The following ITGB3BP variants were observed in gnomAD, a reference collection of about 807,000 sequenced individuals.
ITGB3BP encodes the protein centromere protein R.
Under a neutral mutation model 29.1 loss-of-function variants are expected in ITGB3BP, and 27 were observed. The ratio of observed to expected loss-of-function variants is 0.93; its 90% CI spans 0.68 to 1.28. The LOEUF is 1.28. Ranked by LOEUF, ITGB3BP falls within the 50% of genes most tolerant of loss-of-function variation. The pLI is 0.00. For missense variants in ITGB3BP, 192 were observed against 200.2 expected, an observed-to-expected ratio of 0.96 and a Z score of 0.25; for synonymous variants, 61 against 61.4, an observed-to-expected ratio of 0.99 and a Z score of 0.03.
At chr1:63,472,934 C>T (rs1410712351) in intron 4 of ITGB3BP, among the ~76,000 whole-genome samples, 1 of 152,002 alleles carries the variant, frequency 6.6e-6, no homozygotes, top group Non-Finnish European at 1.5e-5. Flanking sequence ...GCCTGGCCGC[C>T]CATCATCTGG....
rs750906057 is a variant in ITGB3BP, at chr1:63,522,930, G to C, written c.5+199C>G. On this transcript the variant is annotated intron_variant, in intron 1 of 8. Transcript: ENST00000271002. Reference sequence around the variant, plus strand: ...CAAAAGCATCGTAGAAACAGAAAGCGAAGGAGGACTATCGTATGAGTACCG... The same window carrying C: ...CAAAAGCATCGTAGAAACAGAAAGCCAAGGAGGACTATCGTATGAGTACCG... 93 of 766,528 alleles carry C rather than the reference G, an allele frequency of 1.2e-4. No individual in the cohort carries two copies. In the African/African-American group the frequency reaches 1.4e-3, roughly 11 times the overall value. The allele number at this position is 766,528 out of a possible 1,614,324, so 47.5% of individuals were successfully genotyped here.
At chr1:63,504,667 T>C (rs1182109004) in intron 2 of ITGB3BP, among the ~76,000 whole-genome samples, 9 of 152,218 alleles carry the variant, frequency 5.9e-5, no homozygotes, top group Admixed American at 1.3e-4. Flanking sequence ...ATAGCTCTTA[T>C]TATTTTGAGA....
chr1:63,525,600 A>G (rs777300904), upstream of ITGB3BP: 8 of 1,571,274 alleles, frequency 5.1e-6, no homozygotes, highest in Non-Finnish European at 6.8e-6. Flanking sequence ...AAGCGATGCA[A>G]CTTTCTCCAG....
chr1:63,480,088 T>G lies in ITGB3BP; in HGVS notation c.185-1255A>C, dbSNP rs914770185. ...TATATCACTCATTATTTATTTAAGA[T>G]AACAATAAAATAAATAAATGGTTAC... On this transcript the variant is annotated intron_variant, in intron 3 of 8. Coordinates refer to ENST00000271002, the MANE Select transcript of ITGB3BP (RefSeq NM_014288.5). Among the ~76,000 whole-genome samples, 30 of 152,152 alleles carry G rather than the reference T, an allele frequency of 2.0e-4. 1 individual carries two copies. Among genetic ancestry groups the G allele is most frequent in the African/African-American group, 7.2e-4 (30 of 41,464 alleles).
At chr1:63,479,225 TAAC>T (rs1340951461) in intron 3 of ITGB3BP, among the ~76,000 whole-genome samples, 1 of 152,150 alleles carries the variant, frequency 6.6e-6, no homozygotes, top group African/African-American at 2.4e-5. Context: ...TTTCTCAAGT[TAAC>T]AACAAGGGAT....
intron 4 of ITGB3BP, among the ~76,000 whole-genome samples, chr1:63,473,423 G>A (rs1645250375): frequency 7.0e-6 from 1 of 142,324 alleles, no homozygotes; most frequent in Admixed American, 6.7e-5. Context: ...CCCCTACTGG[G>A]AAGTGAGGAG....
chr1:63,525,792 T>A, upstream of ITGB3BP: 2 of 1,432,920 alleles, frequency 1.4e-6, no homozygotes, highest in East Asian at 2.6e-5. Flanking sequence ...TCTTTCACCT[T>A]TTTGTTGAAA....
At chr1:63,482,397 C>T (rs1010030115) in intron 3 of ITGB3BP, among the ~76,000 whole-genome samples, 1 of 150,768 alleles carries the variant, frequency 6.6e-6, no homozygotes, top group East Asian at 1.9e-4. Flanking sequence ...TGGTCTCAAA[C>T]CAAAAGTTAA....
intron 3 of ITGB3BP, among the ~76,000 whole-genome samples, 187 bp from the exon 4 acceptor site, chr1:63,479,020 CCATAT>C (rs1645391575): frequency 1.3e-5 from 2 of 150,820 alleles, no homozygotes; most frequent in Admixed American, 1.3e-4. Flanking sequence ...ACTCACAATA[CCATAT>C]AAGAAAAAAT....
In ITGB3BP at chr1:63,510,087, G is replaced by GTATC; in HGVS notation, c.6-1518_6-1517insGATA. 9.7e-6 allele frequency: 6 copies of GTATC among 618,156 alleles called. No individual in the cohort carries two copies. The South Asian group carries it at 1.1e-4, about 11-fold the overall frequency. The allele number at this position is 618,156 out of a possible 1,614,324, so 38.3% of individuals were successfully genotyped here. On this transcript the variant is annotated intron_variant, in intron 1 of 8. Transcript: ENST00000271002. ...TGCCTGTAATCCCAACTACTCCCAA[G>GTATC]GCTGAGGCAGGAGAATCGCTTGAAC...
chr1:63,523,170 A>G lies in ITGB3BP; in HGVS notation c.-37T>C. 1 of 1,613,748 alleles carries G rather than the reference A, an allele frequency of 6.2e-7. No homozygotes were observed. The highest frequency in any genetic ancestry group is 1.3e-5 in the African/African-American group (1 of 75,042). ...GGAAAGCACCACTGCCGCTGAATAA[A>G]ACGAACCCAGCAACTTCCGAAAACA... On this transcript the variant is annotated 5_prime_UTR_variant, in exon 1 of 9. Transcript: ENST00000271002.
At chr1:63,478,144 G>C (rs1302667601) in intron 4 of ITGB3BP, among the ~76,000 whole-genome samples, 1 of 152,166 alleles carries the variant, frequency 6.6e-6, no homozygotes, top group African/African-American at 2.4e-5. Flanking sequence ...AAAAAAGTTT[G>C]TATATGTTCA....
At chr1:63,441,481 C>T (rs1570102924) in intron 8 of ITGB3BP, among the ~76,000 whole-genome samples, 3 of 152,244 alleles carry the variant, frequency 2.0e-5, no homozygotes, top group Admixed American at 2.0e-4. Context: ...CGTGATCTGC[C>T]CACCTCGGCC....
chr1:63,457,939 C>T (rs892843241), intron 4 of ITGB3BP: 3 of 151,960 alleles, frequency 2.0e-5, no homozygotes, highest in Non-Finnish European at 4.4e-5. Flanking sequence ...AGAGTAAAAA[C>T]CCAGCAGCAT....
chr1:63,500,911 A>C (rs1645912109), intron 2 of ITGB3BP, among the ~76,000 whole-genome samples: 1 of 152,236 alleles, frequency 6.6e-6, no homozygotes, highest in Non-Finnish European at 1.5e-5. Flanking sequence ...TTAATCTTAG[A>C]AACTTACAGT....
At chr1:63,497,368 C>G (rs991177359) in intron 2 of ITGB3BP, among the ~76,000 whole-genome samples, 3 of 152,134 alleles carry the variant, frequency 2.0e-5, no homozygotes, top group Non-Finnish European at 4.4e-5. Flanking sequence ...GAGACCTAGA[C>G]CCATTACCAA....
Position 63,490,201 on chromosome 1 carries a change from T to A in ITGB3BP, c.66A>T (p.Lys22Asn), listed in dbSNP as rs1645617189. 6.4e-7 allele frequency: 1 copy of A among 1,571,736 alleles called. No homozygotes were observed. Among genetic ancestry groups the A allele is most frequent in the African/African-American group, 1.4e-5 (1 of 73,968 alleles). The change falls in exon 3 of 9, where the codon AAA (lysine) becomes AAT (asparagine). Residue 22 changes from lysine (K) to asparagine (N), a missense_variant. Coordinates refer to ENST00000271002, the MANE Select transcript of ITGB3BP (RefSeq NM_014288.5). ...TTATAACACTTTTCTTCCTTGTGAT[T>A]TTTGAAGGATCAAATGACTGGAAAT... ...LLEENSFDPS[K>N]ITRKKSVITY...
intron 7 of ITGB3BP, among the ~76,000 whole-genome samples, chr1:63,450,584 G>A (rs1257430705): frequency 6.6e-6 from 1 of 151,900 alleles, no homozygotes; most frequent in East Asian, 1.9e-4. Context: ...CATTTCATCT[G>A]TATCAGCCCA....
At chr1:63,489,786 A>G (rs1645606569) in intron 3 of ITGB3BP, among the ~76,000 whole-genome samples, 1 of 152,110 alleles carries the variant, frequency 6.6e-6, no homozygotes, top group Non-Finnish European at 1.5e-5. Flanking sequence ...CATGATGGAT[A>G]GCTTGTTAAG....
Sources: allele counts gnomAD v4.1 joint callset (sites outside exome capture counted in the v4.1 genomes callset), GRCh38; gene constraint gnomAD v4.1.1; transcripts MANE v1.5; gene names NCBI Gene and HGNC (gene_info 2026-07-23, HGNC 2026-07-21).